The following WDR7 variants were observed in gnomAD, a reference collection of about 807,000 sequenced individuals.
The protein encoded by WDR7 is WD repeat domain 7, also known as WD repeat-containing protein 7.
A neutral mutation model predicts 169.4 loss-of-function variants in WDR7; 46 were observed. The ratio of observed to expected loss-of-function variants is 0.27; its 90% CI spans 0.21 to 0.35. The LOEUF (loss-of-function observed/expected upper bound fraction) is 0.35, where lower values mean the gene tolerates loss of function less well. Ranked by LOEUF, WDR7 falls within the 10% of genes least tolerant of loss-of-function variation. The probability of loss-of-function intolerance (pLI) is 1.00; values close to 1 mark genes in which losing one functional copy is unlikely to be tolerated. For missense variants in WDR7, 1,534 were observed against 1,859.3 expected (o/e 0.83, Z 3.22); for synonymous variants, 612 against 666.8 (o/e 0.92, Z 1.27).
chr18:56,663,794 T>G (rs1464511676), intron 1 of WDR7, among the ~76,000 whole-genome samples: 2 of 152,066 alleles, frequency 1.3e-5, no homozygotes, highest in Admixed American at 1.3e-4. Context: ...AGATTTTTCA[T>G]AATAAAAATT....
intron 14 of WDR7, among the ~76,000 whole-genome samples, chr18:56,736,030 G>T (rs190954721): frequency 6.6e-6 from 1 of 152,266 alleles, no homozygotes; most frequent in Non-Finnish European, 1.5e-5. Flanking sequence ...AAGAGCCTGG[G>T]TTCTGGTGAC....
chr18:56,974,952 T>A (rs2047543663), intron 26 of WDR7, among the ~76,000 whole-genome samples: 1 of 152,020 alleles, frequency 6.6e-6, no homozygotes, highest in African/African-American at 2.4e-5. Flanking sequence ...AGAAGGGTGA[T>A]GTTTGGACTG....
At chr18:56,764,400 T>C (rs141572466) in intron 16 of WDR7, among the ~76,000 whole-genome samples, 3 of 152,258 alleles carry the variant, frequency 2.0e-5, no homozygotes, top group East Asian at 3.9e-4. Flanking sequence ...TTTGTTTCAA[T>C]TGATTGTGTT....
At chr18:57,036,184 TG>T in the WDR7 span, 1 of 152,304 alleles carries the variant, frequency 6.6e-6, no homozygotes, top group Non-Finnish European at 1.5e-5. Flanking sequence ...AATCCTGGAA[TG>T]GCTGTTCCCA....
Position 56,939,302 on chromosome 18 carries a change from C to A in WDR7, c.3982-9C>A. On this transcript the variant is annotated splice_polypyrimidine_tract_variant and intron_variant, in intron 24 of 27. Coordinates refer to ENST00000254442, the MANE Select transcript of WDR7 (RefSeq NM_015285.3). ...AAATTAATTTTAAATCTGTTCTTTTCTGTCAAAGGTTATGGACATCATTAT... is the reference window on the plus strand; with the variant it reads ...AAATTAATTTTAAATCTGTTCTTTTATGTCAAAGGTTATGGACATCATTAT... The A allele has an allele frequency of 6.7e-7, 1 of 1,489,036 alleles. No homozygotes were observed. The highest frequency in any genetic ancestry group is 9.0e-7 in the Non-Finnish European group (1 of 1,116,304). The allele number at this position is 1,489,036 out of a possible 1,614,324, so 92.2% of individuals were successfully genotyped here. A position where few individuals can be genotyped will look rare whatever the true frequency, so the allele number is the denominator to read the frequency against.
intron 19 of WDR7, among the ~76,000 whole-genome samples, chr18:56,800,455 T>C (rs1364749864): frequency 1.3e-5 from 2 of 152,246 alleles, no homozygotes; most frequent in Non-Finnish European, 2.9e-5. Flanking sequence ...TTTACTTCTT[T>C]CTTTATATCT....
chr18:56,802,311 A>AT (rs535397644), intron 19 of WDR7, among the ~76,000 whole-genome samples: 123 of 146,084 alleles, frequency 8.4e-4, no homozygotes, highest in East Asian at 6.8e-3. Context: ...CATAGTTAGA[A>AT]TTTTTTTTTT....
chr18:56,971,658 G>T (rs1374705147), intron 26 of WDR7, among the ~76,000 whole-genome samples: 1 of 152,110 alleles, frequency 6.6e-6, no homozygotes, highest in East Asian at 1.9e-4. Flanking sequence ...CTGAAGGAGA[G>T]GATATCTGAA....
chr18:56,690,715 T>A (rs1215830946), intron 7 of WDR7, among the ~76,000 whole-genome samples: 1 of 151,766 alleles, frequency 6.6e-6, no homozygotes, highest in South Asian at 2.1e-4. Flanking sequence ...CCAGCTAGGC[T>A]GAGGTAGGAG....
intron 21 of WDR7, among the ~76,000 whole-genome samples, chr18:56,913,227 G>A (rs184931231): frequency 6.6e-6 from 1 of 152,160 alleles, no homozygotes; most frequent in Non-Finnish European, 1.5e-5. Flanking sequence ...TGTGTATCCA[G>A]TGACTTAGCT....
At chr18:56,824,073 A>T (rs148739477) in intron 20 of WDR7, among the ~76,000 whole-genome samples, 5 of 152,140 alleles carry the variant, frequency 3.3e-5, no homozygotes, top group African/African-American at 9.7e-5. Context: ...TCAAGGGCTG[A>T]CTTATATCTC....
intron 20 of WDR7, among the ~76,000 whole-genome samples, chr18:56,828,681 C>T (rs958003903): frequency 6.6e-6 from 1 of 152,150 alleles, no homozygotes; most frequent in South Asian, 2.1e-4. Context: ...ATATAACTCT[C>T]ATACTTGCAA....
intron 8 of WDR7, 85 bp downstream of exon 8, chr18:56,691,446 T>G (rs2025568492): frequency 7.3e-7 from 1 of 1,376,060 alleles, no homozygotes; most frequent in African/African-American, 1.5e-5. Flanking sequence ...AGAAAATGTA[T>G]GTATTATAAA....
At chr18:56,947,638 C>T (rs1252375996) in intron 25 of WDR7, among the ~76,000 whole-genome samples, 1 of 152,214 alleles carries the variant, frequency 6.6e-6, no homozygotes, top group African/African-American at 2.4e-5. Context: ...GTGTGCCATG[C>T]TTGACTCAGT....
intron 25 of WDR7, among the ~76,000 whole-genome samples, chr18:56,940,552 G>A (rs1295930020): frequency 6.6e-6 from 1 of 152,162 alleles, no homozygotes; most frequent in Non-Finnish European, 1.5e-5. Context: ...ATTATGCCGT[G>A]TGTTTGGTTT....
At chr18:56,848,750 C>T (rs1482589722) in intron 20 of WDR7, among the ~76,000 whole-genome samples, 1 of 152,182 alleles carries the variant, frequency 6.6e-6, no homozygotes, top group East Asian at 1.9e-4. Flanking sequence ...CTTGCTCGCT[C>T]TTTCTCTCTC....
chr18:56,848,553 G>C (rs771768612), intron 20 of WDR7, among the ~76,000 whole-genome samples: 2 of 152,140 alleles, frequency 1.3e-5, no homozygotes, highest in Non-Finnish European at 2.9e-5. Context: ...ATGGATTTCT[G>C]TCTCCAAATT....
chr18:56,983,853 A>C (rs1325713746), intron 26 of WDR7, among the ~76,000 whole-genome samples: 4 of 152,200 alleles, frequency 2.6e-5, no homozygotes, highest in Non-Finnish European at 5.9e-5. Context: ...AAATACAATT[A>C]AAATGCTATA....
At chr18:57,022,029 C>G (rs1473217168) in intron 27 of WDR7, among the ~76,000 whole-genome samples, 1 of 152,194 alleles carries the variant, frequency 6.6e-6, no homozygotes, top group Non-Finnish European at 1.5e-5. Context: ...AGCCTTTCTT[C>G]CAGAATATAT....
Sources: allele counts gnomAD v4.1 joint callset (sites outside exome capture counted in the v4.1 genomes callset), GRCh38; gene constraint gnomAD v4.1.1; transcripts MANE v1.5; gene names NCBI Gene and HGNC (gene_info 2026-07-23, HGNC 2026-07-21).